Variants in PPARGC1B observed in about 807,000 individuals in gnomAD.
The protein encoded by PPARGC1B is peroxisome proliferator-activated receptor gamma coactivator 1-beta.
A neutral mutation model predicts 101.6 loss-of-function variants in PPARGC1B; 34 were observed. The ratio of observed to expected loss-of-function variants is 0.33; its 90% CI spans 0.25 to 0.45. PPARGC1B has a LOEUF of 0.45. Ranked by LOEUF, PPARGC1B falls within the 20% of genes least tolerant of loss-of-function variation. The pLI is 1.00. For synonymous variants in PPARGC1B, 548 were observed against 539.3 expected (o/e 1.02, Z -0.22); for missense variants, 1,234 against 1,317.6 (o/e 0.94, Z 0.98).
chr5:149,828,249 T>G (rs970045969), intron 3 of PPARGC1B, among the ~76,000 whole-genome samples: 4 of 152,248 alleles, frequency 2.6e-5, no homozygotes, highest in Non-Finnish European at 4.4e-5. Context: ...TTATGGCTCC[T>G]GCCGAGAGGG....
chr5:149,857,512 T>A (rs1486438752), downstream of PPARGC1B, among the ~76,000 whole-genome samples: 3 of 152,234 alleles, frequency 2.0e-5, no homozygotes, highest in African/African-American at 7.2e-5. Context: ...CCAAACGTGA[T>A]GTTCTTAGGA....
In PPARGC1B at chr5:149,833,145, C is replaced by A; in HGVS notation, c.1072C>A (p.Pro358Thr). ...AGACGTGCTCTGTGATGTCAGCAAA[C>A]CCTACCGTCTGGCCACGCCTGTTTA... Reference protein sequence around the residue: ...AQDVLCDVSKPYRLATPVYAS... With the variant: ...AQDVLCDVSKTYRLATPVYAS... The change falls in exon 5 of 12, where the codon CCC becomes ACC. Residue 358 changes from proline to threonine, a missense_variant. By Grantham distance (38) the Pro-to-Thr change is conservative. Around this residue, in one of 3 missense-constraint regions of PPARGC1B, gnomAD observed 734 missense variants for 768.4 expected, o/e 0.96. Coordinates refer to ENST00000309241, the MANE Select transcript of PPARGC1B (RefSeq NM_133263.4). The surrounding 1 kb of genome is among the most constrained non-coding windows in gnomAD (Gnocchi z 4.1). 6.2e-7 allele frequency: 1 copy of A among 1,613,762 alleles called. No individual in the cohort carries two copies. The highest frequency in any genetic ancestry group is 8.5e-7 in the Non-Finnish European group (1 of 1,180,028).
chr5:149,747,658 C>T (rs924637995), intron 1 of PPARGC1B, among the ~76,000 whole-genome samples: 3 of 152,188 alleles, frequency 2.0e-5, no homozygotes, highest in African/African-American at 4.8e-5. Context: ...TGCCCAGCAG[C>T]GCCTGGGGCC....
In PPARGC1B at chr5:149,730,873, C is replaced by G. The variant is rs1754431385; in HGVS notation, c.78+453C>G. Reference sequence around the variant, plus strand: ...CGGGTCTCCGGAGTCCCCTAGTCCTCCAGGCTGTAGTCCCCAGAGTGCTGT... The same window carrying G: ...CGGGTCTCCGGAGTCCCCTAGTCCTGCAGGCTGTAGTCCCCAGAGTGCTGT... On this transcript the variant is annotated intron_variant, in intron 1 of 11. Coordinates refer to ENST00000309241, the MANE Select transcript of PPARGC1B (RefSeq NM_133263.4). The surrounding 1 kb of genome is among the most constrained non-coding windows in gnomAD (Gnocchi z 4.0). Among the ~76,000 whole-genome samples the G allele has an allele frequency of 6.6e-6, 1 of 152,206 alleles. No individual in the cohort carries two copies. The highest frequency in any genetic ancestry group is 2.4e-5 in the African/African-American group (1 of 41,462).
intron 1 of PPARGC1B, among the ~76,000 whole-genome samples, chr5:149,807,649 C>T (rs80262653): frequency 0.086 from 13,064 of 152,156 alleles, 699 homozygotes; most frequent in Middle Eastern, 0.22. Flanking sequence ...TGAATGCCAC[C>T]CCCCATCCTG....
intron 1 of PPARGC1B, among the ~76,000 whole-genome samples, chr5:149,815,387 ACAAGGAGAAAATGGTCATGTACAAGC>A (rs1758014914): frequency 6.6e-6 from 1 of 152,102 alleles, no homozygotes; most frequent in South Asian, 2.1e-4. Context: ...ACATGAAAAA[ACAAGGAGAAAATGGTCATGTACAAGC>A]CAAGGAGAAA....
At chr5:149,827,645 G>C (rs969906551) in intron 3 of PPARGC1B, among the ~76,000 whole-genome samples, 1 of 152,234 alleles carries the variant, frequency 6.6e-6, no homozygotes, top group African/African-American at 2.4e-5. Context: ...AGTTTAAGCA[G>C]ATACTTGCAG....
chr5:149,811,740 T>C (rs1486243921), intron 1 of PPARGC1B, among the ~76,000 whole-genome samples: 1 of 152,184 alleles, frequency 6.6e-6, no homozygotes, highest in East Asian at 1.9e-4. Context: ...AGCAGAAAAC[T>C]CCCTCCAAAT....
At chr5:149,738,746 G>A (rs569379257) in intron 1 of PPARGC1B, among the ~76,000 whole-genome samples, 27 of 152,202 alleles carry the variant, frequency 1.8e-4, no homozygotes, top group Middle Eastern at 3.4e-3. Context: ...ACAGGCATGT[G>A]CTACCACACC....
intron 1 of PPARGC1B, among the ~76,000 whole-genome samples, chr5:149,774,887 G>A (rs534103657): frequency 4.6e-5 from 7 of 152,300 alleles, no homozygotes; most frequent in African/African-American, 1.7e-4. Context: ...ATTTTGTCTA[G>A]TGGTTGGGTT....
Position 149,837,008 on chromosome 5 carries a change from C to T in PPARGC1B, c.2553C>T (p.Arg851=), listed in dbSNP as rs1463647785. 6.2e-7 allele frequency: 1 copy of T among 1,613,836 alleles called. No individual in the cohort carries two copies. The highest frequency in any genetic ancestry group is 8.5e-7 in the Non-Finnish European group (1 of 1,180,038). Residue 851 remains arginine (R), a synonymous_variant, in exon 8 of 12, where the codon CGC becomes CGT. Coordinates refer to ENST00000309241, the MANE Select transcript of PPARGC1B (RefSeq NM_133263.4). This position sits in a 1 kb window ranked among gnomAD's most constrained non-coding sequence, Gnocchi z 4.2. ...PSKANRQLCS[R]SRSSSGSSPC... ...AGGCCAACCGGCAGCTCTGTTCCCG[C>T]AGCCGCTCAAGCTCTGGCTCTTCAC...
chr5:149,837,468 G>C lies in PPARGC1B; in HGVS notation c.2618+395G>C, dbSNP rs564048078. Among the ~76,000 whole-genome samples the C allele has an allele frequency of 6.6e-6, 1 of 152,336 alleles. No individual in the cohort carries two copies. The highest frequency in any genetic ancestry group is 1.5e-5 in the Non-Finnish European group (1 of 68,034). Reference sequence around the variant, plus strand: ...CTGCCCCAACAGTTTGAATTCTAGGGATGTTTATAAGTAAAAGAAAGATTA... The same window carrying C: ...CTGCCCCAACAGTTTGAATTCTAGGCATGTTTATAAGTAAAAGAAAGATTA... On this transcript the variant is annotated intron_variant, in intron 8 of 11. Coordinates refer to ENST00000309241, the MANE Select transcript of PPARGC1B (RefSeq NM_133263.4). This position sits in a 1 kb window ranked among gnomAD's most constrained non-coding sequence, Gnocchi z 4.2.
chr5:149,759,352 G>T (rs1755639826), intron 1 of PPARGC1B, among the ~76,000 whole-genome samples: 1 of 152,156 alleles, frequency 6.6e-6, no homozygotes, highest in Non-Finnish European at 1.5e-5. Flanking sequence ...TAATTGACTT[G>T]TTTGCCTCTT....
intron 1 of PPARGC1B, among the ~76,000 whole-genome samples, chr5:149,756,800 C>T (rs539785374): frequency 3.3e-5 from 5 of 152,160 alleles, no homozygotes; most frequent in African/African-American, 1.2e-4. Context: ...GACTGGCCCT[C>T]GAGCAGAGGT....
At chr5:149,762,991 T>A (rs1755770318) in intron 1 of PPARGC1B, among the ~76,000 whole-genome samples, 1 of 152,192 alleles carries the variant, frequency 6.6e-6, no homozygotes, top group Non-Finnish European at 1.5e-5. Context: ...TCTCACCATG[T>A]TGCCCAGACT....
rs1038014525 is a variant in PPARGC1B at position 149,849,301 on chromosome 5, A to T, written c.*1743A>T. On this transcript the variant is annotated 3_prime_UTR_variant, in exon 12 of 12. Transcript: ENST00000309241. ...ACTCCCAGCCCATGGACAAGGCCGGAAGAGACAGGCTTTAGTAGGGGTAGG... is the reference window on the plus strand; with the variant it reads ...ACTCCCAGCCCATGGACAAGGCCGGTAGAGACAGGCTTTAGTAGGGGTAGG... 1.3e-5 allele frequency: 2 copies of T among 152,248 alleles called. No individual in the cohort carries two copies. Among genetic ancestry groups the T allele is most frequent in the Non-Finnish European group, 2.9e-5 (2 of 68,048 alleles). The allele number at this position is 152,248 out of a possible 1,614,324, so 9.4% of individuals were successfully genotyped here.
chr5:149,816,915 T>C (rs1758076068), intron 1 of PPARGC1B, among the ~76,000 whole-genome samples: 1 of 152,200 alleles, frequency 6.6e-6, no homozygotes, highest in Non-Finnish European at 1.5e-5. Context: ...ATCTCCCTGC[T>C]TCTATGCTGG....
intron 2 of PPARGC1B, among the ~76,000 whole-genome samples, chr5:149,822,219 C>T (rs989559595): frequency 1.3e-5 from 2 of 152,190 alleles, no homozygotes; most frequent in Non-Finnish European, 2.9e-5. Context: ...TGAAAACCAT[C>T]CCCACTGAGA....
chr5:149,795,235 T>G (rs886592387), intron 1 of PPARGC1B, among the ~76,000 whole-genome samples: 3 of 152,184 alleles, frequency 2.0e-5, no homozygotes, highest in Non-Finnish European at 2.9e-5. Context: ...TTTCCTGAGT[T>G]CCAATCTCTG....
Sources: allele counts gnomAD v4.1 joint callset (sites outside exome capture counted in the v4.1 genomes callset), GRCh38; gene constraint gnomAD v4.1.1; regional missense constraint gnomAD v4.1.1; non-coding constraint Gnocchi (gnomAD v3.1); transcripts MANE v1.5; gene names NCBI Gene and HGNC (gene_info 2026-07-23, HGNC 2026-07-21).